Variants in KIAA1217 observed in about 807,000 individuals in gnomAD.
KIAA1217 encodes the protein KIAA1217, also known as sickle tail protein homolog.
A neutral mutation model predicts 163.9 loss-of-function variants in KIAA1217; 88 were observed. The ratio of observed to expected loss-of-function variants is 0.54; its 90% confidence interval spans 0.45 to 0.64. The LOEUF is 0.64. Among genes scored for constraint, KIAA1217 ranks in the 30% least tolerant of loss-of-function variants. KIAA1217 has a pLI of 0.00. For synonymous variants in KIAA1217, 903 were observed against 923.1 expected (o/e 0.98, Z 0.39); for missense variants, 2,372 against 2,475.0 (o/e 0.96, Z 0.88).
At position 24,301,904 on chromosome 10, in the gene KIAA1217, G is replaced by A. The variant is rs190436289; in HGVS notation, c.355-78965G>A. Among the ~76,000 whole-genome samples the A allele has an allele frequency of 1.5e-4, 23 of 152,212 alleles. No individual in the cohort carries two copies. The East Asian group carries it at 4.1e-3, about 27-fold the overall frequency. ...TACGAAAAATACAAAAATTAGCTGA[G>A]CGTGGTGGCGCCCGCCTATAATCCC... On this transcript the variant is annotated intron_variant, in intron 2 of 20. Transcript: ENST00000376454.
At chr10:23,953,644 T>A (rs911378637) in intron 1 of KIAA1217, among the ~76,000 whole-genome samples, 2 of 152,240 alleles carry the variant, frequency 1.3e-5, no homozygotes, top group African/African-American at 4.8e-5. Context: ...TTAGATGTTT[T>A]CATGCATAAA....
chr10:24,493,748 A>G (rs940328839), intron 6 of KIAA1217, among the ~76,000 whole-genome samples: 2 of 152,168 alleles, frequency 1.3e-5, no homozygotes, highest in Non-Finnish European at 2.9e-5. Flanking sequence ...ATCTAACATC[A>G]TCTACCTTCA....
chr10:24,015,982 T>G (rs1847464040), intron 2 of KIAA1217, among the ~76,000 whole-genome samples: 1 of 152,036 alleles, frequency 6.6e-6, no homozygotes, highest in African/African-American at 2.4e-5. Context: ...TATGTTCAGT[T>G]TATTTCTTAA....
chr10:24,239,093 A>G, intron 2 of KIAA1217: 1 of 908,926 alleles, frequency 1.1e-6, no homozygotes, highest in Non-Finnish European at 1.3e-6. Flanking sequence ...TGCTTGAAAG[A>G]GCATGTCAAG....
intron 1 of KIAA1217, among the ~76,000 whole-genome samples, chr10:23,905,400 A>C (rs1842119762): frequency 6.6e-6 from 1 of 151,904 alleles, no homozygotes; most frequent in African/African-American, 2.4e-5. Context: ...GATGAAGGAG[A>C]TCAATCATCA....
chr10:23,938,109 T>C (rs1005651461), intron 1 of KIAA1217, among the ~76,000 whole-genome samples: 1 of 152,172 alleles, frequency 6.6e-6, no homozygotes, highest in Non-Finnish European at 1.5e-5. Context: ...AGCATCTATA[T>C]GTTGGGAAAC....
At chr10:24,186,641 A>G (rs1312773701) in intron 2 of KIAA1217, among the ~76,000 whole-genome samples, 1 of 152,150 alleles carries the variant, frequency 6.6e-6, no homozygotes, top group East Asian at 1.9e-4. Context: ...CTGTAATCCC[A>G]CCACTTTGAG....
At chr10:24,123,746 C>T (rs1330147551) in intron 2 of KIAA1217, among the ~76,000 whole-genome samples, 5 of 152,126 alleles carry the variant, frequency 3.3e-5, no homozygotes, top group Non-Finnish European at 5.9e-5. Context: ...GTGACTGTAA[C>T]ATAAAATTAG....
intron 8 of KIAA1217, among the ~76,000 whole-genome samples, chr10:24,499,449 G>A (rs530180338): frequency 8.5e-5 from 13 of 152,280 alleles, no homozygotes; most frequent in South Asian, 8.3e-4. Context: ...GAAACATAAC[G>A]TGGCTGGGCG....
intron 2 of KIAA1217, among the ~76,000 whole-genome samples, chr10:24,295,557 C>T (rs1257472544): frequency 6.6e-6 from 1 of 152,134 alleles, no homozygotes; most frequent in African/African-American, 2.4e-5. Context: ...TCATAAAGCT[C>T]AGTTCTAGAC....
In KIAA1217 at chr10:24,164,226, G is replaced by A. The variant is rs561768181; in HGVS notation, c.-170-55400G>A. Among the ~76,000 whole-genome samples the A allele has an allele frequency of 5.6e-4, 85 of 152,278 alleles. 1 individual carries two copies. The highest frequency in any genetic ancestry group is 1.9e-3 in the African/African-American group (77 of 41,562). On this transcript the variant is annotated intron_variant, in intron 2 of 18. Transcript: ENST00000376462. ...TTGCTTATCGTTTAATTACTTGAAC[G>A]AGATGAACAGGCTTCCGCCCCAGGA...
intron 2 of KIAA1217, among the ~76,000 whole-genome samples, chr10:24,329,799 G>A (rs1049788648): frequency 5.3e-5 from 8 of 152,156 alleles, no homozygotes; most frequent in Non-Finnish European, 8.8e-5. Context: ...AACTTGAGCA[G>A]GTTTGGAGAA....
chr10:23,901,926 AAAAAGG>A (rs1249142898), intron 1 of KIAA1217, among the ~76,000 whole-genome samples: 2 of 151,714 alleles, frequency 1.3e-5, no homozygotes, highest in Non-Finnish European at 2.9e-5. Context: ...AAAAAAAAAA[AAAAAGG>A]AAGAAAGAAA....
intron 2 of KIAA1217, among the ~76,000 whole-genome samples, chr10:24,300,864 G>A (rs2041238971): frequency 6.6e-6 from 1 of 152,174 alleles, no homozygotes; most frequent in Non-Finnish European, 1.5e-5. Flanking sequence ...CCAGGCTGGA[G>A]TGCAGTGGTG....
intron 1 of KIAA1217, among the ~76,000 whole-genome samples, chr10:23,838,614 C>G (rs1446906838): frequency 1.3e-5 from 2 of 152,110 alleles, no homozygotes; most frequent in African/African-American, 2.4e-5. Context: ...GTGCCCACCT[C>G]CATGCCTGGC....
At chr10:23,806,026 AAAAG>A (rs1224069743) in intron 1 of KIAA1217, among the ~76,000 whole-genome samples, 2 of 142,552 alleles carry the variant, frequency 1.4e-5, no homozygotes, top group African/African-American at 5.2e-5. Context: ...AAAAAAAAAG[AAAAG>A]AAAGAAAAAG....
intron 2 of KIAA1217, among the ~76,000 whole-genome samples, chr10:24,195,242 A>G (rs1311165224): frequency 1.3e-5 from 2 of 152,290 alleles, no homozygotes; most frequent in East Asian, 3.9e-4. Context: ...GTCCAGTCCC[A>G]TGGAAACTCT....
intron 1 of KIAA1217, among the ~76,000 whole-genome samples, chr10:23,761,996 A>C (rs1834280121): frequency 6.6e-6 from 1 of 152,198 alleles, no homozygotes; most frequent in Admixed American, 6.5e-5. Context: ...ATAAACTAGA[A>C]CATCTAGAAG....
chr10:24,218,670 C>T (rs2069168931), intron 1 of KIAA1217, among the ~76,000 whole-genome samples: 1 of 151,756 alleles, frequency 6.6e-6, no homozygotes. Context: ...TTTGTATTTT[C>T]AGTAGAAACG....
Sources: allele counts gnomAD v4.1 joint callset (sites outside exome capture counted in the v4.1 genomes callset), GRCh38; gene constraint gnomAD v4.1.1; transcripts MANE v1.5; gene names NCBI Gene and HGNC (gene_info 2026-07-23, HGNC 2026-07-21).